The following LNP1 variants were observed in gnomAD, a reference collection of about 807,000 sequenced individuals.
LNP1 encodes the protein leukemia NUP98 fusion partner 1.
In LNP1, 12 loss-of-function variants were observed where a neutral mutation model predicts 14.5. That is an observed-to-expected ratio of 0.83 (90% CI 0.53 to 1.34). The LOEUF (loss-of-function observed/expected upper bound fraction) is 1.34, where lower values mean the gene tolerates loss of function less well. LNP1 is among the 40% of genes most tolerant of loss of function. The probability of loss-of-function intolerance (pLI) is 0.00; values close to 1 mark genes in which losing one functional copy is unlikely to be tolerated. For missense variants in LNP1, 198 were observed against 210.9 expected (o/e 0.94, Z 0.38); for synonymous variants, 75 against 71.4 (o/e 1.05, Z -0.26).
rs1285950154 is a variant in LNP1 at position 100,452,021 on chromosome 3, A to G, written c.387+72A>G. The G allele has an allele frequency of 3.3e-6, 3 of 907,854 alleles. No homozygotes were observed. In the East Asian group the frequency reaches 7.4e-5, roughly 23 times the overall value. The allele number at this position is 907,854 out of a possible 1,614,324, so 56.2% of individuals were successfully genotyped here. ...ACCCAAAGGTTTTGTCCTCTTTATGATTGAGGGGAACAAATGTAACTTCTT... is the reference window on the plus strand; with the variant it reads ...ACCCAAAGGTTTTGTCCTCTTTATGGTTGAGGGGAACAAATGTAACTTCTT... On this transcript the variant is annotated intron_variant, in intron 3 of 3. Coordinates refer to ENST00000383693, the MANE Select transcript of LNP1 (RefSeq NM_001085451.2).
At chr3:100,440,588 TTGAC>T (rs959533228) in intron 2 of LNP1, among the ~76,000 whole-genome samples, 2 of 152,208 alleles carry the variant, frequency 1.3e-5, no homozygotes, top group African/African-American at 4.8e-5. Context: ...TACATAATCT[TTGAC>T]TGCTAATTAA....
At chr3:100,427,023 T>C (rs1707199285) in intron 1 of LNP1, among the ~76,000 whole-genome samples, 1 of 152,090 alleles carries the variant, frequency 6.6e-6, no homozygotes, top group South Asian at 2.1e-4. Flanking sequence ...AAATTCAGCG[T>C]ATATGATTCA....
rs1032429289 is a variant in LNP1, at chr3:100,455,992, A to T, written c.*66A>T. 14 of 1,531,090 alleles carry T rather than the reference A, an allele frequency of 9.1e-6. No individual in the cohort carries two copies. The highest frequency in any genetic ancestry group is 1.2e-5 in the Non-Finnish European group (14 of 1,135,024). 94.8% of individuals were successfully genotyped at this position (1,531,090 alleles called of 1,614,324 possible). ...GGTTTTTTTCTTTGAGCCCCAATTC[A>T]CCATTTCAGGATGTGGATGGGGGCG... is the stretch of plus-strand genomic sequence containing the variant. On this transcript the variant is annotated 3_prime_UTR_variant, in exon 4 of 4. Transcript: ENST00000383693.
At chr3:100,417,499 C>T (rs1707097346) in intron 1 of LNP1, among the ~76,000 whole-genome samples, 1 of 151,362 alleles carries the variant, frequency 6.6e-6, no homozygotes, top group Admixed American at 6.6e-5. Context: ...CCTCAGCCTC[C>T]CAAGTAGCTG....
In LNP1 at chr3:100,429,799, A is replaced by C; in HGVS notation, c.70A>C (p.Ser24Arg). Residue 24 changes from serine (S) to arginine (R), a missense_variant, in exon 2 of 4, where the codon AGC (serine) becomes CGC (arginine). By Grantham distance (110) the Ser-to-Arg change is moderately radical. Coordinates refer to ENST00000383693, the MANE Select transcript of LNP1 (RefSeq NM_001085451.2). ...AKWMSSFWGH[S>R]WREEDQRGLR... ...ATGGATGAGCAGCTTCTGGGGCCAC[A>C]GCTGGAGAGAGGAGGATCAGAGAGG... 1 of 1,614,018 alleles carries C rather than the reference A, an allele frequency of 6.2e-7. No individual in the cohort carries two copies.
chr3:100,401,783 G>GCA lies in LNP1; in HGVS notation c.-687_-686dup, dbSNP rs1258315360. ...GATGGCAGAAGACTAGGTGGAAATGGCACATCTAGGTTGGCTGCAGTCGAA... is the reference window on the plus strand; with the variant it reads ...GATGGCAGAAGACTAGGTGGAAATGGCACACATCTAGGTTGGCTGCAGTCGAA... On this transcript the variant is annotated 5_prime_UTR_variant, in exon 1 of 4. An upstream open reading frame in the 5' UTR gains an earlier in-frame stop. Transcript: ENST00000383693. 1.3e-5 allele frequency: 2 copies of GCA among 152,248 alleles called. No individual in the cohort carries two copies. The highest frequency in any genetic ancestry group is 2.4e-5 in the African/African-American group (1 of 41,452). The allele number at this position is 152,248 out of a possible 1,614,324, so 9.4% of individuals were successfully genotyped here.
intron 2 of LNP1, among the ~76,000 whole-genome samples, chr3:100,448,512 T>A (rs1428631006): frequency 6.6e-6 from 1 of 152,174 alleles, no homozygotes; most frequent in Non-Finnish European, 1.5e-5. Flanking sequence ...TCAAATTTTG[T>A]CACCTTATAG....
intron 1 of LNP1, among the ~76,000 whole-genome samples, chr3:100,404,238 A>T (rs952476374): frequency 6.6e-6 from 1 of 152,192 alleles, no homozygotes; most frequent in Non-Finnish European, 1.5e-5. Flanking sequence ...CTTTTACTTG[A>T]TACCACTGAT....
intron 2 of LNP1, among the ~76,000 whole-genome samples, chr3:100,434,627 C>T (rs1474232915): frequency 3.3e-5 from 5 of 151,244 alleles, no homozygotes; most frequent in Non-Finnish European, 5.9e-5. Flanking sequence ...CTCCAGGGTT[C>T]GAGGAATGCT....
At chr3:100,451,308 T>A (rs1234645883) in intron 2 of LNP1, among the ~76,000 whole-genome samples, 2 of 152,126 alleles carry the variant, frequency 1.3e-5, no homozygotes, top group African/African-American at 4.8e-5. Context: ...AAATGAACAT[T>A]GGTTCGATTT....
At position 100,451,751 on chromosome 3, in the gene LNP1, C is replaced by G; in HGVS notation, c.189C>G (p.Asp63Glu). Residue 63 changes from aspartate (D) to glutamate (E), a missense_variant, in exon 3 of 4, where the codon GAC becomes GAG. Physicochemically the swap from Asp to Glu is conservative, Grantham distance 45. Coordinates refer to ENST00000383693, the MANE Select transcript of LNP1 (RefSeq NM_001085451.2). Reference sequence around the variant, plus strand: ...TGCTTCCCAGAATTCCATCATCTGACTGCCATCCTAGAAGGCATTCTCATG... The same window carrying G: ...TGCTTCCCAGAATTCCATCATCTGAGTGCCATCCTAGAAGGCATTCTCATG... ...LPVLPRIPSSDCHPRRHSHED... is the reference protein window; with the variant it reads ...LPVLPRIPSSECHPRRHSHED... The G allele has an allele frequency of 6.2e-7, 1 of 1,611,522 alleles. No homozygotes were observed. The highest frequency in any genetic ancestry group is 2.2e-5 in the East Asian group (1 of 44,880).
At chr3:100,410,944 C>T (rs1707026382) in intron 1 of LNP1, among the ~76,000 whole-genome samples, 1 of 152,072 alleles carries the variant, frequency 6.6e-6, no homozygotes, top group Non-Finnish European at 1.5e-5. Context: ...TTTGGTGGGT[C>T]AGGAACCCTT....
chr3:100,406,627 C>T (rs1056087956), intron 1 of LNP1, among the ~76,000 whole-genome samples: 3 of 152,014 alleles, frequency 2.0e-5, no homozygotes, highest in Admixed American at 2.0e-4. Context: ...CTCCGCCTCC[C>T]GGGTTCAAGC....
In LNP1 at chr3:100,450,688, T is replaced by C. The variant is rs915642677; in HGVS notation, c.157-1031T>C. On this transcript the variant is annotated intron_variant, in intron 2 of 3. Coordinates refer to ENST00000383693, the MANE Select transcript of LNP1 (RefSeq NM_001085451.2). ...GACAAACCCTAATTCAGTTCCTTAC[T>C]TAGGCATGGGTCTCAGGCTGTAGAC... 3.9e-5 allele frequency among the ~76,000 whole-genome samples: 6 copies of C among 152,122 alleles called. No individual in the cohort carries two copies. The South Asian group carries it at 1.2e-3, about 31-fold the overall frequency.
At chr3:100,406,645 C>T in intron 1 of LNP1, among the ~76,000 whole-genome samples, 1 of 152,112 alleles carries the variant, frequency 6.6e-6, no homozygotes, top group East Asian at 1.9e-4. Context: ...AGCGATTCTC[C>T]TGCCTCAGCC....
intron 1 of LNP1, among the ~76,000 whole-genome samples, chr3:100,407,848 T>C (rs1484109957): frequency 2.0e-5 from 3 of 152,228 alleles, no homozygotes; most frequent in Admixed American, 6.5e-5. Context: ...TTACAGATTC[T>C]TTTTCTGATT....
chr3:100,413,558 C>T (rs1484080125), intron 1 of LNP1, among the ~76,000 whole-genome samples: 3 of 152,234 alleles, frequency 2.0e-5, no homozygotes, highest in Non-Finnish European at 4.4e-5. Context: ...TTTCCATCTT[C>T]ATCAGTTTAG....
At position 100,456,115 on chromosome 3, in the gene LNP1, C is replaced by G. The variant is rs551336303; in HGVS notation, c.*189C>G. 2.3e-5 allele frequency: 12 copies of G among 531,748 alleles called. No individual in the cohort carries two copies. Among genetic ancestry groups the G allele is most frequent in the African/African-American group, 1.7e-4 (9 of 51,956 alleles). 32.9% of individuals were successfully genotyped at this position (531,748 alleles called of 1,614,324 possible). A position where few individuals can be genotyped will look rare whatever the true frequency, so the allele number is the denominator to read the frequency against. On this transcript the variant is annotated 3_prime_UTR_variant, in exon 4 of 4. Coordinates refer to ENST00000383693, the MANE Select transcript of LNP1 (RefSeq NM_001085451.2). ...TGCTCCAAGATGACTTGCATCATACCCCAATTACTGCTGGCATCTTAGTTG... is the reference window on the plus strand; with the variant it reads ...TGCTCCAAGATGACTTGCATCATACGCCAATTACTGCTGGCATCTTAGTTG...
intron 3 of LNP1, among the ~76,000 whole-genome samples, chr3:100,454,721 C>T (rs1480515142): frequency 6.6e-6 from 1 of 152,166 alleles, no homozygotes; most frequent in Non-Finnish European, 1.5e-5. Flanking sequence ...ACTCTATTTT[C>T]TCTTTCTTAT....
Sources: gnomAD v4.1 joint callset for allele counts (sites outside exome capture counted in the v4.1 genomes callset) on GRCh38, gnomAD v4.1.1 for gene constraint, MANE v1.5 for transcripts, NCBI Gene and HGNC (gene_info 2026-07-23, HGNC 2026-07-21) for gene names.